Variants in OAT observed in about 807,000 individuals in gnomAD.
OAT encodes the protein ornithine aminotransferase, mitochondrial.
A neutral mutation model predicts 48.4 loss-of-function variants in OAT; 35 were observed. The ratio of observed to expected loss-of-function variants is 0.72; its 90% CI spans 0.55 to 0.96. OAT has a LOEUF of 0.96. Among genes scored for constraint, OAT ranks in the 40% least tolerant of loss-of-function variants. OAT has a pLI of 0.00. For synonymous variants in OAT, 182 were observed against 198.4 expected (o/e 0.92, Z 0.70); for missense variants, 438 against 537.9 (o/e 0.81, Z 1.84).
At chr10:124,416,547 T>C (rs1333376495) in intron 1 of OAT, among the ~76,000 whole-genome samples, 1 of 152,162 alleles carries the variant, frequency 6.6e-6, no homozygotes, top group Non-Finnish European at 1.5e-5. Flanking sequence ...TGAGAACAAA[T>C]TGCTCTTGGC....
intron 1 of OAT, chr10:124,414,241 T>C (rs547249083): frequency 6.6e-6 from 1 of 152,356 alleles, no homozygotes; most frequent in African/African-American, 2.4e-5. Context: ...TACTTGGAGT[T>C]TGGCTTACTT....
intron 2 of OAT, among the ~76,000 whole-genome samples, chr10:124,410,826 C>T (rs56781959): frequency 0.037 from 5,621 of 151,714 alleles, 332 homozygotes; most frequent in African/African-American, 0.13. Flanking sequence ...TGGAAAGACA[C>T]ACTAAGTATT....
chr10:124,412,260 CAGCACTTT>C, intron 1 of OAT, 60 bp from the exon 2 acceptor site: 1 of 1,359,726 alleles, frequency 7.4e-7, no homozygotes, highest in Non-Finnish European at 1.0e-6. Flanking sequence ...CCTATAATCT[CAGCACTTT>C]GGGAGGCTGA....
intron 7 of OAT, 59 bp from the exon 8 acceptor site, chr10:124,401,898 C>A: frequency 1.6e-6 from 2 of 1,263,864 alleles, no homozygotes; most frequent in Non-Finnish European, 2.3e-6. Flanking sequence ...ACTAAGCATC[C>A]TTTTCCCCAG....
At chr10:124,415,074 TAAAAAAAAAAAAAAAAAAAAAAAAA>T (rs75952005) in intron 1 of OAT, 1 of 16,854 alleles carries the variant, frequency 5.9e-5, no homozygotes, top group Non-Finnish European at 1.2e-4. Flanking sequence ...TACAAAGCGC[TAAAAAAAAAAAAAAAAAAAAAAAAA>T]AAAAAAAAAA....
chr10:124,408,601 C>T lies in OAT; in HGVS notation c.461G>A (p.Arg154His), dbSNP rs121965039. ...EAGETACKLA[R>H]KWGYTVKGIQ... ...GCCCTTCACGGTATAGCCCCACTTA[C>T]GAGCTAGTTTACAGGCAGTCTCTCC... The change falls in exon 4 of 10, where the codon CGT becomes CAT. Residue 154 changes from arginine (R) to histidine (H), a missense_variant. Arg to His is a conservative substitution (Grantham distance 29). Transcript: ENST00000368845. 15 of 1,612,842 alleles carry T rather than the reference C, an allele frequency of 9.3e-6. No homozygotes were observed. Among genetic ancestry groups the T allele is most frequent in the South Asian group, 4.4e-5 (4 of 91,042 alleles).
intron 1 of OAT, among the ~76,000 whole-genome samples, chr10:124,415,427 G>C (rs1426122906): frequency 6.6e-6 from 1 of 152,168 alleles, no homozygotes; most frequent in Admixed American, 6.6e-5. Context: ...CCCTGAGTCA[G>C]CTATTCTTAA....
At chr10:124,403,157 A>G in intron 6 of OAT, 102 bp from the exon 7 acceptor site, 1 of 1,276,812 alleles carries the variant, frequency 7.8e-7, no homozygotes. Context: ...TAAATGTGTA[A>G]TTCTGATGTG....
intron 1 of OAT, among the ~76,000 whole-genome samples, chr10:124,416,427 T>A (rs1393502047): frequency 6.6e-6 from 1 of 152,194 alleles, no homozygotes; most frequent in Non-Finnish European, 1.5e-5. Context: ...ATAACTCATC[T>A]CTTCATCAAG....
rs568270602 is a variant in OAT at position 124,400,761 on chromosome 10, A to T, written c.1159+79T>A. The T allele has an allele frequency of 2.6e-4, 303 of 1,162,488 alleles. 2 individuals carry two copies. In the African/African-American group the frequency reaches 2.7e-3, roughly 10 times the overall value. The allele number at this position is 1,162,488 out of a possible 1,614,324, so 72.0% of individuals were successfully genotyped here. On this transcript the variant is annotated intron_variant, in intron 9 of 9. Coordinates refer to ENST00000368845, the MANE Select transcript of OAT (RefSeq NM_000274.4). Reference sequence around the variant, plus strand: ...CAAGACTCCGTCTCGAAAAATAAATAAATTAATTAAATTAAATACCAAGTG... The same window carrying T: ...CAAGACTCCGTCTCGAAAAATAAATTAATTAATTAAATTAAATACCAAGTG...
In OAT at chr10:124,398,297, T is replaced by A. The variant is rs565222010; in HGVS notation, c.1160-195A>T. ...AGGCCGAGGTGGGTGGATCACGAGG[T>A]CAAGAGATTGAAACCATCCTGGCCA... On this transcript the variant is annotated intron_variant, in intron 9 of 9. Transcript: ENST00000368845. 7.9e-5 allele frequency among the ~76,000 whole-genome samples: 12 copies of A among 151,712 alleles called. No homozygotes were observed. The South Asian group carries it at 2.5e-3, about 32-fold the overall frequency.
chr10:124,398,876 G>A (rs554151389), intron 9 of OAT, among the ~76,000 whole-genome samples: 80 of 151,806 alleles, frequency 5.3e-4, no homozygotes, highest in African/African-American at 1.5e-3. Context: ...TTAGCCTGTC[G>A]TGGTGTGGCA....
chr10:124,406,318 C>T (rs991115519), intron 4 of OAT, among the ~76,000 whole-genome samples: 2 of 151,360 alleles, frequency 1.3e-5, no homozygotes, highest in African/African-American at 4.9e-5. Flanking sequence ...TGGTGAAACC[C>T]CATCTCTACT....
chr10:124,401,036 T>C, intron 8 of OAT, 52 bp from the exon 9 acceptor site: 3 of 1,403,576 alleles, frequency 2.1e-6, no homozygotes, highest in Non-Finnish European at 3.0e-6. Flanking sequence ...TTTTTTGTTT[T>C]TTGGAGGACA....
chr10:124,408,859 C>G lies in OAT; in HGVS notation c.306G>C (p.Lys102Asn). 1 of 1,613,286 alleles carries G rather than the reference C, an allele frequency of 6.2e-7. No homozygotes were observed. Among genetic ancestry groups the G allele is most frequent in the Non-Finnish European group, 8.5e-7 (1 of 1,179,922 alleles). ...HCHPKIVNAL[K>N]SQVDKLTLTS... ...TTAAGGTCAATTTGTCCACTTGACT[C>G]TTCAGAGCATTCACAATCTTGGGGT... Residue 102 changes from lysine (K) to asparagine (N), a missense_variant, in exon 3 of 10, where the codon AAG becomes AAC. Transcript: ENST00000368845.
intron 6 of OAT, 39 bp from the exon 7 acceptor site, chr10:124,403,094 T>C (rs1427760706): frequency 7.4e-6 from 12 of 1,612,186 alleles, no homozygotes; most frequent in Non-Finnish European, 1.0e-5. Context: ...GTGATCACTT[T>C]CGTTTCCACA....
At chr10:124,413,767 C>T (rs184420940) in intron 1 of OAT, among the ~76,000 whole-genome samples, 4 of 152,208 alleles carry the variant, frequency 2.6e-5, no homozygotes, top group Non-Finnish European at 4.4e-5. Flanking sequence ...AACTACAATC[C>T]GTTACTTGTA....
intron 2 of OAT, among the ~76,000 whole-genome samples, chr10:124,411,311 G>C (rs1276388088): frequency 6.6e-6 from 1 of 152,088 alleles, no homozygotes; most frequent in Non-Finnish European, 1.5e-5. Context: ...TCTGGGAGAA[G>C]TATAAAAGGA....
intron 1 of OAT, among the ~76,000 whole-genome samples, chr10:124,416,859 A>C (rs962933503): frequency 2.6e-5 from 3 of 115,974 alleles, no homozygotes; most frequent in Non-Finnish European, 5.2e-5. Flanking sequence ...TCACAAATAC[A>C]GGCCTTTAAA....
Sources: allele counts gnomAD v4.1 joint callset (sites outside exome capture counted in the v4.1 genomes callset), GRCh38; gene constraint gnomAD v4.1.1; transcripts MANE v1.5; gene names NCBI Gene and HGNC (gene_info 2026-07-23, HGNC 2026-07-21).